The following HHIP variants were observed in gnomAD, a reference collection of about 807,000 sequenced individuals.
The protein encoded by HHIP is hedgehog interacting protein, also known as hedgehog-interacting protein.
HHIP carries 12 observed loss-of-function variants against 74.0 expected under a neutral mutation model. That is an observed-to-expected ratio of 0.16 (90% CI 0.10 to 0.26). The LOEUF (loss-of-function observed/expected upper bound fraction) is 0.26. Among genes scored for constraint, HHIP ranks in the 10% least tolerant of loss-of-function variants. HHIP has a pLI of 1.00. For synonymous variants in HHIP, 309 were observed against 311.6 expected, an observed-to-expected ratio of 0.99 and a Z score of 0.09; for missense variants, 788 against 845.0, an observed-to-expected ratio of 0.93 and a Z score of 0.84.
chr4:144,712,084 T>C lies in HHIP; in HGVS notation c.1423+13T>C. ...GGGAAAGATTATGGTATGTAGAGCA[T>C]AATTTGCTGATTTTGCTTTAGTTCA... On this transcript the variant is annotated intron_variant, in intron 8 of 12. Transcript: ENST00000296575. 2.5e-6 allele frequency: 4 copies of C among 1,605,858 alleles called. No homozygotes were observed. The highest frequency in any genetic ancestry group is 3.4e-6 in the Non-Finnish European group (4 of 1,175,912).
rs971355978 is a variant in HHIP at position 144,744,538 on chromosome 4, A to G, written c.*6581A>G. ...GGTACAAGTTTAAGGGAGCAGGGCT[A>G]TCATATGTACTAGGTGAGATTTCTA... is the stretch of plus-strand genomic sequence containing the variant. On this transcript the variant is annotated 3_prime_UTR_variant, in exon 13 of 13. Coordinates refer to ENST00000296575, the MANE Select transcript of HHIP (RefSeq NM_022475.3). 2 of 152,204 alleles carry G rather than the reference A, an allele frequency of 1.3e-5. No homozygotes were observed. The highest frequency in any genetic ancestry group is 2.9e-5 in the Non-Finnish European group (2 of 68,040). The allele number at this position is 152,204 out of a possible 1,614,324, so 9.4% of individuals were successfully genotyped here.
At chr4:144,714,402 T>A in intron 9 of HHIP, 54 bp downstream of exon 9, 2 of 1,578,338 alleles carry the variant, frequency 1.3e-6, no homozygotes, top group South Asian at 2.3e-5. Flanking sequence ...TATCCATTAA[T>A]CATTTGGCAA....
At chr4:144,697,386 G>C (rs1435493654) in intron 4 of HHIP, among the ~76,000 whole-genome samples, 1 of 151,850 alleles carries the variant, frequency 6.6e-6, no homozygotes, top group Non-Finnish European at 1.5e-5. Context: ...AATTTTATTA[G>C]AGCATTTTGT....
At chr4:144,649,819 C>T (rs1255446135) in intron 1 of HHIP, among the ~76,000 whole-genome samples, 1 of 152,152 alleles carries the variant, frequency 6.6e-6, no homozygotes. Flanking sequence ...TTGTTGAACA[C>T]ATCCAACTAA....
At chr4:144,685,931 T>C (rs1389944944) in intron 4 of HHIP, among the ~76,000 whole-genome samples, 1 of 152,228 alleles carries the variant, frequency 6.6e-6, no homozygotes, top group Admixed American at 6.5e-5. Flanking sequence ...AAAGTTCTGT[T>C]TGACCTTTGT....
rs532730790 is a variant in HHIP at position 144,744,091 on chromosome 4, T to C, written c.*6134T>C. Reference sequence around the variant, plus strand: ...TATATTCACAGCATATGTTTGGACATGCGTTTCACCAAGAACCATGTAGTA... The same window carrying C: ...TATATTCACAGCATATGTTTGGACACGCGTTTCACCAAGAACCATGTAGTA... On this transcript the variant is annotated 3_prime_UTR_variant, in exon 13 of 13. Transcript: ENST00000296575. 124 of 152,270 alleles carry C rather than the reference T, an allele frequency of 8.1e-4. No homozygotes were observed. The highest frequency in any genetic ancestry group is 2.8e-3 in the African/African-American group (117 of 41,570). 9.4% of individuals were successfully genotyped at this position (152,270 alleles called of 1,614,324 possible).
chr4:144,713,806 C>A lies in HHIP; in HGVS notation c.1424-419C>A, dbSNP rs369516352. 1.3e-4 allele frequency among the ~76,000 whole-genome samples: 20 copies of A among 152,194 alleles called. No homozygotes were observed. In the South Asian group the frequency reaches 3.7e-3, roughly 28 times the overall value. On this transcript the variant is annotated intron_variant, in intron 8 of 12. Coordinates refer to ENST00000296575, the MANE Select transcript of HHIP (RefSeq NM_022475.3). The stretch of plus-strand genomic sequence containing the variant: ...AAAGTGTAGGCTTTTAAACATTTTA[C>A]ATATTTTGACAGAGCTCTGTCTCAA...
intron 11 of HHIP, among the ~76,000 whole-genome samples, chr4:144,726,795 T>G (rs529083729): frequency 5.1e-4 from 77 of 152,308 alleles, no homozygotes; most frequent in Middle Eastern, 3.4e-3. Context: ...GAAAAGGAAG[T>G]GCCTGTACTG....
chr4:144,707,301 A>G, intron 6 of HHIP, 41 bp downstream of exon 6: 1 of 1,500,790 alleles, frequency 6.7e-7, no homozygotes, highest in East Asian at 2.3e-5. Context: ...CAAGGTTAAA[A>G]TAGTTTAAGT....
At chr4:144,657,513 A>G (rs1274053117) in intron 2 of HHIP, among the ~76,000 whole-genome samples, 1 of 152,198 alleles carries the variant, frequency 6.6e-6, no homozygotes, top group Admixed American at 6.5e-5. Flanking sequence ...TGACTCTGGT[A>G]ATACCGTCAT....
In HHIP at chr4:144,745,115, G is replaced by C. The variant is rs1731346492; in HGVS notation, c.*7158G>C. ...GAATTGGTTTTATTGTTGATCTGTG[G>C]ATTTAATGATTTCTAGGTGAAAAGG... is the stretch of plus-strand genomic sequence containing the variant. On this transcript the variant is annotated 3_prime_UTR_variant, in exon 13 of 13. Transcript: ENST00000296575. 1 of 152,088 alleles carries C rather than the reference G, an allele frequency of 6.6e-6. No homozygotes were observed. Among genetic ancestry groups the C allele is most frequent in the Non-Finnish European group, 1.5e-5 (1 of 68,000 alleles). The allele number at this position is 152,088 out of a possible 1,614,324, so 9.4% of individuals were successfully genotyped here.
rs548266674 is a variant in HHIP at position 144,689,844 on chromosome 4, T to C, written c.832-16687T>C. Reference sequence around the variant, plus strand: ...ATTTTTTTGAGACGGAGTCTCGCCCTGTCGCCCAGGCTGGAATGCAATGGT... The same window carrying C: ...ATTTTTTTGAGACGGAGTCTCGCCCCGTCGCCCAGGCTGGAATGCAATGGT... On this transcript the variant is annotated intron_variant, in intron 4 of 12. Transcript: ENST00000296575. Among the ~76,000 whole-genome samples, 3 of 152,362 alleles carry C rather than the reference T, an allele frequency of 2.0e-5. No individual in the cohort carries two copies. The South Asian group carries it at 6.2e-4, about 32-fold the overall frequency.
Position 144,646,884 on chromosome 4 carries a change from G to A in HHIP, c.209G>A (p.Gly70Asp), listed in dbSNP as rs1279624873. 9 of 1,614,182 alleles carry A rather than the reference G, an allele frequency of 5.6e-6. No individual in the cohort carries two copies. Among genetic ancestry groups the A allele is most frequent in the Non-Finnish European group, 7.6e-6 (9 of 1,180,016 alleles). Reference protein sequence around the residue: ...ELLSGGEMLCGGFYPRLSCCL... With the variant: ...ELLSGGEMLCDGFYPRLSCCL... ...CTGAGTGGGGGAGAGATGCTGTGCG[G>A]TGGCTTCTACCCTCGGCTGTCCTGC... Residue 70 changes from glycine to aspartate, a missense_variant, in exon 1 of 13, where the codon GGT becomes GAT. Gly to Asp is a moderately conservative substitution (Grantham distance 94). Transcript: ENST00000296575.
intron 11 of HHIP, among the ~76,000 whole-genome samples, chr4:144,721,407 C>G (rs757667310): frequency 3.9e-5 from 6 of 152,004 alleles, no homozygotes; most frequent in Non-Finnish European, 5.9e-5. Context: ...CTAGTATTAC[C>G]ACCTCAGTCT....
At chr4:144,723,009 C>T (rs1044338539) in intron 11 of HHIP, among the ~76,000 whole-genome samples, 25 of 152,028 alleles carry the variant, frequency 1.6e-4, no homozygotes, top group African/African-American at 9.7e-5. Context: ...TTATAGAACA[C>T]GAATTTTTTT....
At chr4:144,710,582 G>A (rs1025442073) in intron 7 of HHIP, among the ~76,000 whole-genome samples, 5 of 151,998 alleles carry the variant, frequency 3.3e-5, no homozygotes, top group African/African-American at 1.2e-4. Flanking sequence ...AGCTCCAATG[G>A]TTTCATTTTG....
chr4:144,737,582 T>C (rs1198637172), intron 12 of HHIP, among the ~76,000 whole-genome samples, 182 bp from the exon 13 acceptor site: 4 of 152,258 alleles, frequency 2.6e-5, no homozygotes, highest in Admixed American at 2.6e-4. Context: ...GGTCTCCAAA[T>C]AACTATGGGT....
chr4:144,725,447 C>A (rs1232470182), intron 11 of HHIP, among the ~76,000 whole-genome samples: 3 of 152,104 alleles, frequency 2.0e-5, no homozygotes, highest in African/African-American at 7.2e-5. Flanking sequence ...TTTTAAATTT[C>A]TTTTCTCCTT....
chr4:144,738,097 T>G lies in HHIP; in HGVS notation c.*140T>G, dbSNP rs1731169673. 1 of 1,352,230 alleles carries G rather than the reference T, an allele frequency of 7.4e-7. No individual in the cohort carries two copies. The highest frequency in any genetic ancestry group is 2.7e-5 in the East Asian group (1 of 37,352). The allele number at this position is 1,352,230 out of a possible 1,614,324, so 83.8% of individuals were successfully genotyped here. A position where few individuals can be genotyped will look rare whatever the true frequency, so the allele number is the denominator to read the frequency against. ...AATTTAAAAATAATTTCCAGAAATG[T>G]GCAGATCCTCTGTGTGTATGTCAGC... is the stretch of plus-strand genomic sequence containing the variant. On this transcript the variant is annotated 3_prime_UTR_variant, in exon 13 of 13. Coordinates refer to ENST00000296575, the MANE Select transcript of HHIP (RefSeq NM_022475.3).
Sources: gnomAD v4.1 joint callset for allele counts (sites outside exome capture counted in the v4.1 genomes callset) on GRCh38, gnomAD v4.1.1 for gene constraint, MANE v1.5 for transcripts, NCBI Gene and HGNC (gene_info 2026-07-23, HGNC 2026-07-21) for gene names.